NEBL: variants seen among roughly 807,000 people sequenced by gnomAD.
NEBL encodes the protein LIM and SH3 protein 2.
In NEBL, 122 loss-of-function variants were observed where a neutral mutation model predicts 140.2. The observed-to-expected ratio is 0.87, with a 90% CI of 0.75 to 1.01. NEBL has a LOEUF of 1.01. Among genes scored for constraint, NEBL ranks in the 50% least tolerant of loss-of-function variants. NEBL has a pLI of 0.00. For missense variants in NEBL, 1,365 were observed against 1,231.3 expected, an observed-to-expected ratio of 1.11 and a Z score of -1.62; for synonymous variants, 436 against 398.9, an observed-to-expected ratio of 1.09 and a Z score of -1.11.
chr10:20,916,483 C>A (rs1344679738), intron 4 of NEBL, among the ~76,000 whole-genome samples: 1 of 152,142 alleles, frequency 6.6e-6, no homozygotes, highest in Non-Finnish European at 1.5e-5. Flanking sequence ...CTTGGCTCAC[C>A]ACAACCTTCA....
chr10:20,789,874 C>CAT (rs1281877494), intron 26 of NEBL, among the ~76,000 whole-genome samples: 3 of 147,778 alleles, frequency 2.0e-5, no homozygotes, highest in East Asian at 3.9e-4. Flanking sequence ...TATACATACA[C>CAT]ATACACACAC....
intron 2 of NEBL, among the ~76,000 whole-genome samples, chr10:21,040,897 A>G (rs543151523): frequency 6.6e-6 from 1 of 151,964 alleles, no homozygotes; most frequent in Non-Finnish European, 1.5e-5. Flanking sequence ...GCTATGTAAC[A>G]TGTCCCTGCC....
intron 26 of NEBL, among the ~76,000 whole-genome samples, chr10:20,808,222 T>C (rs1024711514): frequency 2.0e-5 from 3 of 152,080 alleles, no homozygotes; most frequent in African/African-American, 7.2e-5. Flanking sequence ...ATATAACTCC[T>C]GTGAAACAGA....
intron 5 of NEBL, among the ~76,000 whole-genome samples, chr10:20,878,733 T>C (rs1306724877): frequency 6.6e-6 from 1 of 152,190 alleles, no homozygotes; most frequent in Non-Finnish European, 1.5e-5. Context: ...AAACTTTGCA[T>C]GCAAAGGTTG....
At chr10:21,177,691 G>A (rs971515937), upstream of NEBL, among the ~76,000 whole-genome samples, 9 of 151,842 alleles carry the variant, frequency 5.9e-5, no homozygotes, top group Admixed American at 2.0e-4. Flanking sequence ...CACCACGCCC[G>A]GCTAATTTTT....
chr10:21,260,393 T>G (rs1842722981), intron 1 of NEBL, among the ~76,000 whole-genome samples: 1 of 152,244 alleles, frequency 6.6e-6, no homozygotes, highest in Admixed American at 6.5e-5. Flanking sequence ...ATGGGCTTCT[T>G]TATTCTATCA....
At chr10:21,137,386 G>C (rs562447520) in intron 2 of NEBL, among the ~76,000 whole-genome samples, 2 of 152,312 alleles carry the variant, frequency 1.3e-5, no homozygotes, top group African/African-American at 4.8e-5. Context: ...ATTGTTAACT[G>C]TTCGTATAGC....
intron 12 of NEBL, 121 bp downstream of exon 12, chr10:20,845,137 A>G (rs1841779694): frequency 1.6e-6 from 1 of 634,440 alleles, no homozygotes; most frequent in African/African-American, 1.8e-5. Context: ...GATCAAAGTG[A>G]AAAAAAAGAG....
intron 4 of NEBL, among the ~76,000 whole-genome samples, chr10:20,940,522 A>T (rs1364512310): frequency 2.1e-5 from 3 of 144,574 alleles, no homozygotes; most frequent in Admixed American, 7.2e-5. Flanking sequence ...CACAATTAAA[A>T]GAACTAGAAA....
At chr10:21,198,325 A>G (rs3911716) in intron 3 of NEBL, among the ~76,000 whole-genome samples, 29,966 of 152,094 alleles carry the variant, frequency 0.2, 4,204 homozygotes, top group African/African-American at 0.39. Flanking sequence ...TGTATTAGGA[A>G]GAAGAACAGG....
intron 1 of NEBL, among the ~76,000 whole-genome samples, chr10:21,281,190 G>T (rs556826215): frequency 6.6e-6 from 1 of 152,168 alleles, no homozygotes; most frequent in Non-Finnish European, 1.5e-5. Flanking sequence ...GCCTGAGTGA[G>T]TGAACTACTT....
Position 21,186,530 on chromosome 10 carries a change from T to G in NEBL, n.349-14053A>C, listed in dbSNP as rs187218302. 3.2e-3 allele frequency among the ~76,000 whole-genome samples: 480 copies of G among 152,286 alleles called. 4 individuals carry two copies. The highest frequency in any genetic ancestry group is 3.8e-3 in the Non-Finnish European group (259 of 68,024). On this transcript the variant is annotated intron_variant and non_coding_transcript_variant, in intron 3 of 8. Coordinates refer to the NEBL transcript ENST00000675702. The stretch of plus-strand genomic sequence containing the variant: ...AGTATTTGCATATAACCTACACACA[T>G]CCTCCTGTATTCTTTAAATCAAGCT...
chr10:20,813,952 T>C lies in NEBL; in HGVS notation c.2333A>G (p.Asn778Ser). 6.3e-7 allele frequency: 1 copy of C among 1,594,658 alleles called. No individual in the cohort carries two copies. The highest frequency in any genetic ancestry group is 8.6e-7 in the Non-Finnish European group (1 of 1,162,352). The stretch of plus-strand genomic sequence containing the variant: ...GTTGGACCCTACCATTGAAATATGA[T>C]TTTGTGCTTCTTTAACATGTCTCAT... ...PAMRHVKEAQ[N>S]HISMVKYHED... Residue 778 changes from asparagine to serine, a missense_variant, in exon 23 of 28, where the codon AAT becomes AGT. Physicochemically the swap from Asn to Ser is conservative, Grantham distance 46. Transcript: ENST00000377122.
chr10:21,026,933 C>G (rs1041012657), intron 2 of NEBL, among the ~76,000 whole-genome samples: 7 of 152,162 alleles, frequency 4.6e-5, no homozygotes, highest in Non-Finnish European at 7.3e-5. Flanking sequence ...ACCCACTCCC[C>G]CTCTTGGCCA....
At chr10:21,245,253 G>A (rs899497002) in intron 3 of NEBL, among the ~76,000 whole-genome samples, 1 of 152,186 alleles carries the variant, frequency 6.6e-6, no homozygotes, top group Non-Finnish European at 1.5e-5. Flanking sequence ...CAACCTAAGA[G>A]AGCAGAAATC....
intron 5 of NEBL, among the ~76,000 whole-genome samples, chr10:20,879,464 A>T (rs1459017374): frequency 2.0e-5 from 3 of 152,246 alleles, no homozygotes; most frequent in Non-Finnish European, 4.4e-5. Context: ...ATGTTAGAAA[A>T]GTGCTCTGCT....
chr10:20,878,011 C>T (rs1204509064), intron 5 of NEBL, among the ~76,000 whole-genome samples: 1 of 152,124 alleles, frequency 6.6e-6, no homozygotes, highest in African/African-American at 2.4e-5. Context: ...CAGGTACTAC[C>T]CCAGACAATG....
chr10:21,136,813 G>A (rs916176685), intron 2 of NEBL, among the ~76,000 whole-genome samples: 1 of 152,080 alleles, frequency 6.6e-6, no homozygotes, highest in Admixed American at 6.6e-5. Flanking sequence ...AAGCAATCTG[G>A]GTAAATTAAT....
rs146522560 is a variant in NEBL, at chr10:21,099,067, C to A, written c.164+73316G>T. On this transcript the variant is annotated intron_variant, in intron 2 of 6. Coordinates refer to the NEBL transcript ENST00000417816. Reference sequence around the variant, plus strand: ...AGGATGGCATGAGCCCAGGAGCTCACGGCTTCAGTGAGCCATGATCGTGCC... The same window carrying A: ...AGGATGGCATGAGCCCAGGAGCTCAAGGCTTCAGTGAGCCATGATCGTGCC... 4.4e-3 allele frequency among the ~76,000 whole-genome samples: 663 copies of A among 152,282 alleles called. 10 individuals are homozygous for A. Among genetic ancestry groups the A allele is most frequent in the African/African-American group, 0.015 (625 of 41,552 alleles).
Sources: gnomAD v4.1 joint callset for allele counts (sites outside exome capture counted in the v4.1 genomes callset) on GRCh38, gnomAD v4.1.1 for gene constraint, MANE v1.5 for transcripts, NCBI Gene and HGNC (gene_info 2026-07-23, HGNC 2026-07-21) for gene names.